IMPA2: variants seen among roughly 807,000 people sequenced by gnomAD.
IMPA2 encodes the protein inositol monophosphatase 2.
A neutral mutation model predicts 35.1 loss-of-function variants in IMPA2; 32 were observed. The ratio of observed to expected loss-of-function variants is 0.91; its 90% CI spans 0.69 to 1.23. The LOEUF (loss-of-function observed/expected upper bound fraction) is 1.23, where lower values mean the gene tolerates loss of function less well. Ranked by LOEUF, IMPA2 falls within the 50% of genes most tolerant of loss-of-function variation. The pLI is 0.00. For missense variants in IMPA2, 334 were observed against 387.6 expected, an observed-to-expected ratio of 0.86 and a Z score of 1.16; for synonymous variants, 135 against 160.6, an observed-to-expected ratio of 0.84 and a Z score of 1.20.
intron 2 of IMPA2, chr18:12,008,275 C>T (rs780640408): frequency 1.4e-5 from 7 of 495,472 alleles, no homozygotes; most frequent in African/African-American, 7.8e-5. Flanking sequence ...GGATTACAGG[C>T]GTGAGCCACC....
Position 12,014,312 on chromosome 18 carries a change from G to C in IMPA2, c.429G>C (p.Thr143=). 1 of 1,611,812 alleles carries C rather than the reference G, an allele frequency of 6.2e-7. No individual in the cohort carries two copies. Among genetic ancestry groups the C allele is most frequent in the Non-Finnish European group, 8.5e-7 (1 of 1,179,076 alleles). The change falls in exon 5 of 8, where the codon ACG becomes ACC. Residue 143 remains threonine (T), a synonymous_variant. Coordinates refer to ENST00000269159, the MANE Select transcript of IMPA2 (RefSeq NM_014214.3). ...ACTGCACAGAGGAGCGGCTGTACAC[G>C]GGCCGGCGGGGTCGGGGCGCCTTCT... is the stretch of plus-strand genomic sequence containing the variant. ...IYHCTEERLY[T]GRRGRGAFCN...
At chr18:12,004,282 A>AG (rs1214151135) in intron 2 of IMPA2, among the ~76,000 whole-genome samples, 1 of 152,228 alleles carries the variant, frequency 6.6e-6, no homozygotes, top group African/African-American at 2.4e-5. Flanking sequence ...AGAAAAAAAA[A>AG]GAAAGAAAGA....
chr18:11,992,032 CAG>C (rs1420231524), intron 1 of IMPA2, among the ~76,000 whole-genome samples: 2 of 152,128 alleles, frequency 1.3e-5, no homozygotes, highest in African/African-American at 4.8e-5. Flanking sequence ...TTAGTAGAGA[CAG>C]GGTTTCCCCA....
chr18:12,030,145 G>A (rs560021151), intron 7 of IMPA2, among the ~76,000 whole-genome samples, 198 bp from the exon 8 acceptor site: 1 of 152,346 alleles, frequency 6.6e-6, no homozygotes, highest in African/African-American at 2.4e-5. Context: ...TTCACACTGG[G>A]GTGGGGCGGG....
chr18:11,996,339 T>G (rs936172078), intron 1 of IMPA2, among the ~76,000 whole-genome samples: 3 of 152,138 alleles, frequency 2.0e-5, no homozygotes, highest in African/African-American at 7.2e-5. Context: ...CGGGAAGCCG[T>G]TGGATCATTT....
chr18:12,010,745 G>T lies in IMPA2; in HGVS notation c.335+758G>T, dbSNP rs915040807. Reference sequence around the variant, plus strand: ...ACAGTGCACGCCAGCACACTAGGCTGCACGCGCTAAGCAGGAAGGGTGAGC... The same window carrying T: ...ACAGTGCACGCCAGCACACTAGGCTTCACGCGCTAAGCAGGAAGGGTGAGC... On this transcript the variant is annotated intron_variant, in intron 3 of 7. Coordinates refer to ENST00000269159, the MANE Select transcript of IMPA2 (RefSeq NM_014214.3). The surrounding 1 kb of genome is among the most constrained non-coding windows in gnomAD (Gnocchi z 4.8). Among the ~76,000 whole-genome samples, 1 of 152,196 alleles carries T rather than the reference G, an allele frequency of 6.6e-6. No homozygotes were observed. Among genetic ancestry groups the T allele is most frequent in the Non-Finnish European group, 1.5e-5 (1 of 68,032 alleles).
At chr18:12,020,223 C>T (rs923874452) in intron 5 of IMPA2, among the ~76,000 whole-genome samples, 2 of 151,554 alleles carry the variant, frequency 1.3e-5, no homozygotes, top group African/African-American at 2.4e-5. Flanking sequence ...AATGGAGTTT[C>T]GCTCTTGTTG....
rs1186627991 is a variant in IMPA2, at chr18:12,010,875, C to A, written c.335+888C>A. Reference sequence around the variant, plus strand: ...GCACAGCCTTTTTCTAGGTGAGTTGCCTCGAGAATTCAGTTGTGCCTACAT... The same window carrying A: ...GCACAGCCTTTTTCTAGGTGAGTTGACTCGAGAATTCAGTTGTGCCTACAT... On this transcript the variant is annotated intron_variant, in intron 3 of 7. Coordinates refer to ENST00000269159, the MANE Select transcript of IMPA2 (RefSeq NM_014214.3). The surrounding 1 kb of genome is among the most constrained non-coding windows in gnomAD (Gnocchi z 4.8). Among the ~76,000 whole-genome samples, 1 of 152,198 alleles carries A rather than the reference C, an allele frequency of 6.6e-6. No individual in the cohort carries two copies. The highest frequency in any genetic ancestry group is 2.1e-4 in the South Asian group (1 of 4,830).
At chr18:12,009,296 A>G (rs1001412350) in intron 2 of IMPA2, among the ~76,000 whole-genome samples, 11 of 152,006 alleles carry the variant, frequency 7.2e-5, no homozygotes, top group Admixed American at 3.3e-4. Flanking sequence ...CAACAAAAAA[A>G]CCAGGGAAGT....
At chr18:11,986,956 T>G (rs1906684047) in intron 1 of IMPA2, among the ~76,000 whole-genome samples, 1 of 151,844 alleles carries the variant, frequency 6.6e-6, no homozygotes, top group Admixed American at 6.6e-5. Context: ...GCAACTTGTA[T>G]TTTCGTTAAA....
intron 4 of IMPA2, among the ~76,000 whole-genome samples, chr18:12,013,753 C>T (rs558237438): frequency 2.5e-4 from 38 of 152,310 alleles, no homozygotes; most frequent in African/African-American, 8.9e-4. Flanking sequence ...CTGTTCAGCG[C>T]ACTGCCTGCT....
In IMPA2 at chr18:12,028,618, G is replaced by C. The variant is rs543742656; in HGVS notation, c.600-224G>C. 1.8e-5 allele frequency: 10 copies of C among 562,010 alleles called. No individual in the cohort carries two copies. The East Asian group carries it at 3.0e-4, about 17-fold the overall frequency. The allele number at this position is 562,010 out of a possible 1,614,324, so 34.8% of individuals were successfully genotyped here. A position where few individuals can be genotyped will look rare whatever the true frequency, so the allele number is the denominator to read the frequency against. ...CTGCATCTCAGGTGCTCAGTAGCTA[G>C]GTCAGCTGGGAGCTGTCATGGCACA... On this transcript the variant is annotated intron_variant, in intron 6 of 7. Coordinates refer to ENST00000269159, the MANE Select transcript of IMPA2 (RefSeq NM_014214.3).
chr18:11,995,104 GGTTT>G (rs772522403), intron 1 of IMPA2, among the ~76,000 whole-genome samples: 3 of 152,186 alleles, frequency 2.0e-5, no homozygotes, highest in South Asian at 4.1e-4. Flanking sequence ...CTGAGTGGAT[GGTTT>G]GTTTGGTTTC....
intron 5 of IMPA2, chr18:12,017,516 G>A (rs912449868): frequency 1.6e-5 from 5 of 307,076 alleles, no homozygotes; most frequent in African/African-American, 9.3e-5. Context: ...GCGTTCTGGG[G>A]GGACTTCCTG....
intron 2 of IMPA2, among the ~76,000 whole-genome samples, chr18:12,003,862 C>T (rs1233011525): frequency 1.1e-4 from 17 of 152,052 alleles, no homozygotes; most frequent in Admixed American, 1.1e-3. Flanking sequence ...CAGTAGCATC[C>T]CTGAGCTATA....
In IMPA2 at chr18:12,030,587, G is replaced by T. The variant is rs111527595; in HGVS notation, c.*129G>T. On this transcript the variant is annotated 3_prime_UTR_variant, in exon 8 of 8. Transcript: ENST00000269159. Reference sequence around the variant, plus strand: ...GCTCCTGGCTACCCCAGAGGGAGTTGTCACGCTACAGTGAGTGGCTGGCCT... The same window carrying T: ...GCTCCTGGCTACCCCAGAGGGAGTTTTCACGCTACAGTGAGTGGCTGGCCT... 3.3e-5 allele frequency: 22 copies of T among 666,462 alleles called. No individual in the cohort carries two copies. Among genetic ancestry groups the T allele is most frequent in the Admixed American group, 7.8e-5 (3 of 38,632 alleles). 41.3% of individuals were successfully genotyped at this position (666,462 alleles called of 1,614,324 possible).
intron 7 of IMPA2, 38 bp downstream of exon 7, chr18:12,029,031 T>C: frequency 6.3e-7 from 1 of 1,597,618 alleles, no homozygotes. Flanking sequence ...CGGCAGAAAC[T>C]AGACTGAGAG....
At position 12,010,049 on chromosome 18, in the gene IMPA2, G is replaced by T; in HGVS notation, c.335+62G>T. The T allele has an allele frequency of 7.5e-7, 1 of 1,333,698 alleles. No individual in the cohort carries two copies. The highest frequency in any genetic ancestry group is 1.1e-6 in the Non-Finnish European group (1 of 933,430). The allele number at this position is 1,333,698 out of a possible 1,614,324, so 82.6% of individuals were successfully genotyped here. A position where few individuals can be genotyped will look rare whatever the true frequency, so the allele number is the denominator to read the frequency against. On this transcript the variant is annotated intron_variant, in intron 3 of 7. Transcript: ENST00000269159. This position sits in a 1 kb window ranked among gnomAD's most constrained non-coding sequence, Gnocchi z 4.8. The stretch of plus-strand genomic sequence containing the variant: ...AACATGTCCTCTTCTGTGAGGTTTT[G>T]TCTTTTCAAAAGCAGCATTTTTTAA...
intron 5 of IMPA2, among the ~76,000 whole-genome samples, chr18:12,021,463 G>GC (rs11378253): frequency 0.78 from 118,062 of 152,070 alleles, 46,155 homozygotes; most frequent in Middle Eastern, 0.82. Flanking sequence ...ACCAGCTTGT[G>GC]CCACAGGCAT....
Sources: allele counts gnomAD v4.1 joint callset (sites outside exome capture counted in the v4.1 genomes callset), GRCh38; gene constraint gnomAD v4.1.1; non-coding constraint Gnocchi (gnomAD v3.1); transcripts MANE v1.5; gene names NCBI Gene and HGNC (gene_info 2026-07-23, HGNC 2026-07-21).